The following NTM variants were observed in gnomAD, a reference collection of about 807,000 sequenced individuals.
The protein encoded by NTM is IgLON family member 2.
A neutral mutation model predicts 42.1 loss-of-function variants in NTM; 13 were observed. That is an observed-to-expected ratio of 0.31 (90% CI 0.20 to 0.49). The LOEUF (loss-of-function observed/expected upper bound fraction) is 0.49. Among genes scored for constraint, NTM ranks in the 20% least tolerant of loss-of-function variants. The pLI, the probability that NTM is intolerant of heterozygous loss-of-function variation, is 0.99. For synonymous variants in NTM, 187 were observed against 179.2 expected, an observed-to-expected ratio of 1.04 and a Z score of -0.35; for missense variants, 373 against 452.8, an observed-to-expected ratio of 0.82 and a Z score of 1.60.
intron 3 of NTM, among the ~76,000 whole-genome samples, chr11:132,210,121 A>G (rs534743222): frequency 5.3e-5 from 8 of 152,354 alleles, no homozygotes; most frequent in African/African-American, 1.9e-4. Context: ...GTCATCGTGC[A>G]GCTTCCCTGG....
At chr11:132,328,818 C>G (rs112648537) in intron 7 of NTM, among the ~76,000 whole-genome samples, 1 of 152,110 alleles carries the variant, frequency 6.6e-6, no homozygotes, top group Non-Finnish European at 1.5e-5. Flanking sequence ...GCCCCTCCCC[C>G]TCCTTAGCTT....
intron 2 of NTM, among the ~76,000 whole-genome samples, chr11:132,055,544 G>A (rs2079506757): frequency 6.6e-6 from 1 of 152,184 alleles, no homozygotes; most frequent in Admixed American, 6.5e-5. Flanking sequence ...AGCCTGGGAC[G>A]ACAGGCAGGG....
chr11:131,745,861 T>A (rs1433157634), intron 1 of NTM, among the ~76,000 whole-genome samples: 2 of 152,176 alleles, frequency 1.3e-5, no homozygotes, highest in African/African-American at 2.4e-5. Flanking sequence ...ATAAGAGAAG[T>A]TGTAGCACTA....
chr11:132,047,590 G>C (rs995867798), intron 2 of NTM, among the ~76,000 whole-genome samples: 1 of 152,230 alleles, frequency 6.6e-6, no homozygotes, highest in African/African-American at 2.4e-5. Context: ...AGGGGAGTCA[G>C]CTAGAGCCTG....
intron 2 of NTM, among the ~76,000 whole-genome samples, chr11:132,088,115 G>A (rs1208553923): frequency 5.9e-5 from 9 of 152,238 alleles, no homozygotes; most frequent in Admixed American, 5.2e-4. Context: ...CATTGGGATG[G>A]TGGTGGAACA....
intron 1 of NTM, among the ~76,000 whole-genome samples, chr11:131,558,036 C>A (rs567804624): frequency 6.6e-6 from 1 of 152,276 alleles, no homozygotes; most frequent in South Asian, 2.1e-4. Context: ...TACTGACATA[C>A]GAAACCAGGA....
rs143628826 is a variant in NTM, at chr11:131,777,534, A to G, written c.83-134030A>G. Reference sequence around the variant, plus strand: ...TGCTACCATTCTTAGCATGAGTTTGATAACTGCTCTCCATGGCATGCTTTC... The same window carrying G: ...TGCTACCATTCTTAGCATGAGTTTGGTAACTGCTCTCCATGGCATGCTTTC... On this transcript the variant is annotated intron_variant, in intron 1 of 8. Transcript: ENST00000683400. 8.4e-4 allele frequency among the ~76,000 whole-genome samples: 122 copies of G among 145,662 alleles called. 1 individual carries two copies. The highest frequency in any genetic ancestry group is 2.2e-3 in the Admixed American group (31 of 13,790).
chr11:132,213,348 C>T (rs753671212), intron 4 of NTM, among the ~76,000 whole-genome samples: 21 of 152,100 alleles, frequency 1.4e-4, no homozygotes, highest in Non-Finnish European at 2.8e-4. Flanking sequence ...TAGGATTGCC[C>T]TTCAGAAGGT....
chr11:131,390,358 TG>T (rs1259671511), intron 1 of NTM, among the ~76,000 whole-genome samples: 2 of 152,142 alleles, frequency 1.3e-5, no homozygotes, highest in East Asian at 3.9e-4. Flanking sequence ...CCTCCAATAC[TG>T]GAAATCACGT....
intron 4 of NTM, 22 bp from the exon 5 acceptor site, chr11:132,307,667 C>T (rs933000310): frequency 6.2e-7 from 1 of 1,613,444 alleles, no homozygotes; most frequent in Non-Finnish European, 8.5e-7. Context: ...TATTTCACCA[C>T]ACGTTACCGG....
intron 1 of NTM, among the ~76,000 whole-genome samples, chr11:131,728,477 C>T (rs1340862349): frequency 2.6e-5 from 4 of 152,198 alleles, no homozygotes; most frequent in African/African-American, 7.2e-5. Flanking sequence ...ATACCATTCC[C>T]TCCCTGGGTG....
At chr11:131,468,560 A>G (rs1340401309) in intron 1 of NTM, among the ~76,000 whole-genome samples, 2 of 152,078 alleles carry the variant, frequency 1.3e-5, no homozygotes, top group Non-Finnish European at 2.9e-5. Flanking sequence ...TTTTTTCTAT[A>G]GATTTTATTT....
At chr11:132,147,314 T>A (rs774827556) in intron 3 of NTM, among the ~76,000 whole-genome samples, 1 of 151,960 alleles carries the variant, frequency 6.6e-6, no homozygotes, top group Non-Finnish European at 1.5e-5. Flanking sequence ...GAACCAGTCC[T>A]GGGGCATTCA....
intron 1 of NTM, among the ~76,000 whole-genome samples, chr11:131,416,488 T>C (rs1218071858): frequency 6.6e-6 from 1 of 152,224 alleles, no homozygotes; most frequent in Non-Finnish European, 1.5e-5. Flanking sequence ...ATAGCCTGTC[T>C]GCCACCTTCA....
chr11:131,713,617 G>A (rs539603579), intron 1 of NTM, among the ~76,000 whole-genome samples: 1 of 152,172 alleles, frequency 6.6e-6, no homozygotes, highest in Admixed American at 6.5e-5. Flanking sequence ...ACTACAAGTA[G>A]GCAATCATAT....
intron 1 of NTM, among the ~76,000 whole-genome samples, chr11:131,393,137 G>A (rs74888170): frequency 2.0e-5 from 3 of 152,258 alleles, no homozygotes; most frequent in Non-Finnish European, 4.4e-5. Context: ...TAAGCAGACT[G>A]CTGCTGCAGC....
intron 4 of NTM, among the ~76,000 whole-genome samples, chr11:132,234,288 C>T (rs938700517): frequency 6.6e-6 from 1 of 152,148 alleles, no homozygotes; most frequent in Non-Finnish European, 1.5e-5. Flanking sequence ...AGTCGGTCTT[C>T]GCTAGTACTG....
chr11:131,917,957 CT>C (rs2056655800), intron 2 of NTM, among the ~76,000 whole-genome samples: 1 of 152,344 alleles, frequency 6.6e-6, no homozygotes, highest in African/African-American at 2.4e-5. Flanking sequence ...TCACTGAAAG[CT>C]AGAGGAGGCT....
chr11:131,906,058 A>G (rs1592723304), intron 1 of NTM, among the ~76,000 whole-genome samples: 1 of 152,196 alleles, frequency 6.6e-6, no homozygotes, highest in Admixed American at 6.5e-5. Flanking sequence ...CAAACCCAAT[A>G]GCACTAGACG....
Sources: allele counts gnomAD v4.1 joint callset (sites outside exome capture counted in the v4.1 genomes callset), GRCh38; gene constraint gnomAD v4.1.1; transcripts MANE v1.5; gene names NCBI Gene and HGNC (gene_info 2026-07-23, HGNC 2026-07-21).